Variants in SHC3 observed in about 807,000 individuals in gnomAD.
SHC3 encodes the protein SHC adaptor protein 3, also known as SHC-transforming protein 3.
A neutral mutation model predicts 60.4 loss-of-function variants in SHC3; 15 were observed. That is an observed-to-expected ratio of 0.25 (90% CI 0.17 to 0.38). The LOEUF is 0.38. SHC3 is among the 10% of genes least tolerant of loss of function. The probability of loss-of-function intolerance (pLI) is 1.00; values close to 1 mark genes in which losing one functional copy is unlikely to be tolerated. For synonymous variants in SHC3, 294 were observed against 325.9 expected (o/e 0.90, Z 1.05); for missense variants, 677 against 786.1 (o/e 0.86, Z 1.66).
chr9:89,109,719 A>G, intron 2 of SHC3: 1 of 985,474 alleles, frequency 1.0e-6, no homozygotes, highest in Non-Finnish European at 1.2e-6. Flanking sequence ...ATTCTCACCA[A>G]CATCTTCAGG....
intron 2 of SHC3, among the ~76,000 whole-genome samples, chr9:89,084,642 T>G (rs2118035879): frequency 6.6e-6 from 1 of 152,374 alleles, no homozygotes; most frequent in African/African-American, 2.4e-5. Flanking sequence ...GAATTATTTT[T>G]TCTCCTTTAG....
chr9:89,102,340 A>T (rs1395192517), intron 2 of SHC3, among the ~76,000 whole-genome samples: 1 of 152,140 alleles, frequency 6.6e-6, no homozygotes, highest in Non-Finnish European at 1.5e-5. Flanking sequence ...TCTTCAAATG[A>T]CTTAATGGAC....
At chr9:89,160,427 T>C (rs1564189018) in intron 1 of SHC3, among the ~76,000 whole-genome samples, 1 of 152,200 alleles carries the variant, frequency 6.6e-6, no homozygotes, top group South Asian at 2.1e-4. Context: ...ATAGATTTTT[T>C]TTCCCCGTTC....
chr9:89,087,880 A>G (rs939385822), intron 2 of SHC3, among the ~76,000 whole-genome samples: 12 of 152,132 alleles, frequency 7.9e-5, no homozygotes, highest in African/African-American at 2.7e-4. Context: ...GATAGATCAG[A>G]CTCTTTGTAG....
intron 1 of SHC3, among the ~76,000 whole-genome samples, chr9:89,131,597 G>C (rs1316543828): frequency 1.3e-5 from 2 of 152,128 alleles, no homozygotes; most frequent in Admixed American, 6.5e-5. Context: ...CGCAAGGCTG[G>C]TACAACATAC....
chr9:89,122,105 A>T (rs1486723761), intron 1 of SHC3, among the ~76,000 whole-genome samples: 2 of 152,152 alleles, frequency 1.3e-5, no homozygotes, highest in Non-Finnish European at 1.5e-5. Flanking sequence ...AAATTTTTTC[A>T]TCTTCTGAGC....
chr9:89,117,493 T>C (rs1433742103), intron 1 of SHC3, among the ~76,000 whole-genome samples: 1 of 152,232 alleles, frequency 6.6e-6, no homozygotes, highest in Non-Finnish European at 1.5e-5. Context: ...CAGTTATTTA[T>C]CTTTTTCTTT....
At position 89,139,648 on chromosome 9, in the gene SHC3, A is replaced by ATTCTGTACAGAGAC. The variant is rs374432039; in HGVS notation, c.475-27036_475-27023dup. 2.0e-5 allele frequency among the ~76,000 whole-genome samples: 3 copies of ATTCTGTACAGAGAC among 152,368 alleles called. No individual in the cohort carries two copies. In the East Asian group the frequency reaches 5.8e-4, roughly 29 times the overall value. ...TCTTTACTTATCACACAGGTCAGGA[A>ATTCTGTACAGAGAC]TTCTGTACAGAGACTGCTGTAGACT... is the stretch of plus-strand genomic sequence containing the variant. On this transcript the variant is annotated intron_variant, in intron 1 of 11. Coordinates refer to ENST00000375835, the MANE Select transcript of SHC3 (RefSeq NM_016848.6).
chr9:89,066,022 C>T (rs892381479), intron 5 of SHC3, among the ~76,000 whole-genome samples: 4 of 152,270 alleles, frequency 2.6e-5, no homozygotes, highest in South Asian at 2.1e-4. Context: ...CCTGTGCATT[C>T]GTTTTTAGAT....
At chr9:89,014,268 C>T (rs941908617) in intron 11 of SHC3, among the ~76,000 whole-genome samples, 1 of 152,176 alleles carries the variant, frequency 6.6e-6, no homozygotes, top group African/African-American at 2.4e-5. Flanking sequence ...GAACACTCTG[C>T]CCTGCTTGCT....
At chr9:89,129,651 C>G (rs369375875) in intron 1 of SHC3, among the ~76,000 whole-genome samples, 4 of 152,260 alleles carry the variant, frequency 2.6e-5, no homozygotes, top group East Asian at 3.9e-4. Flanking sequence ...CATATCCAGC[C>G]AAACTAAGCT....
chr9:89,037,883 G>A (rs79446921), intron 11 of SHC3, 110 bp downstream of exon 11: 70,146 of 1,366,274 alleles, frequency 0.051, 2,011 homozygotes, highest in Middle Eastern at 0.082. Flanking sequence ...GACTCAGTAG[G>A]CACTTGTGGA....
Position 89,027,600 on chromosome 9 carries a change from GC to G in SHC3, c.1656+10392del, listed in dbSNP as rs1554689530. Among the ~76,000 whole-genome samples the G allele has an allele frequency of 1.1e-3, 5 of 4,544 alleles. No individual in the cohort carries two copies. In the East Asian group the frequency reaches 0.19, roughly 175 times the overall value. The allele number at this position is 4,544 out of a possible 152,430, so 3.0% of individuals were successfully genotyped here. A position where few individuals can be genotyped will look rare whatever the true frequency, so the allele number is the denominator to read the frequency against. The stretch of plus-strand genomic sequence containing the variant: ...CAAAGTGCTGGGATTACAGGCATAA[GC>G]CATAAGCCACTGTGCCCGGCCAAAA... On this transcript the variant is annotated intron_variant, in intron 11 of 11. Transcript: ENST00000375835.
At chr9:89,064,580 A>G (rs1459410814) in intron 6 of SHC3, among the ~76,000 whole-genome samples, 2 of 152,022 alleles carry the variant, frequency 1.3e-5, no homozygotes, top group African/African-American at 2.4e-5. Context: ...AGAAAATTGT[A>G]TTGTCTGGGC....
At chr9:89,100,338 A>C (rs56263851) in intron 2 of SHC3, among the ~76,000 whole-genome samples, 12,938 of 152,248 alleles carry the variant, frequency 0.085, 634 homozygotes, top group Admixed American at 0.13. Context: ...GAACTTTTTT[A>C]AGAGTCAAGT....
At chr9:89,076,933 C>T (rs907086742) in intron 3 of SHC3, among the ~76,000 whole-genome samples, 2 of 152,066 alleles carry the variant, frequency 1.3e-5, no homozygotes, top group Admixed American at 6.6e-5. Flanking sequence ...AATCCCAACA[C>T]TTTGGGAAGC....
chr9:89,020,836 G>C (rs774479114), intron 11 of SHC3, among the ~76,000 whole-genome samples: 3 of 152,208 alleles, frequency 2.0e-5, no homozygotes, highest in Non-Finnish European at 4.4e-5. Flanking sequence ...TGTTTGCAGG[G>C]TTGTGTGTCT....
At chr9:89,164,948 A>C (rs1362268394) in intron 1 of SHC3, among the ~76,000 whole-genome samples, 1 of 152,224 alleles carries the variant, frequency 6.6e-6, no homozygotes, top group Non-Finnish European at 1.5e-5. Context: ...CTTAGTATAC[A>C]CACAGTGAAA....
At chr9:89,063,170 G>A (rs9410454) in intron 6 of SHC3, among the ~76,000 whole-genome samples, 64,841 of 151,936 alleles carry the variant, frequency 0.43, 15,640 homozygotes, top group East Asian at 0.97. Flanking sequence ...TCGCTCTGTC[G>A]CCAGGCTGGA....
Sources: gnomAD v4.1 joint callset for allele counts (sites outside exome capture counted in the v4.1 genomes callset) on GRCh38, gnomAD v4.1.1 for gene constraint, MANE v1.5 for transcripts, NCBI Gene and HGNC (gene_info 2026-07-23, HGNC 2026-07-21) for gene names.